Variants in SGCZ observed in about 807,000 individuals in gnomAD.
The protein encoded by SGCZ is sarcoglycan zeta.
A neutral mutation model predicts 41.3 loss-of-function variants in SGCZ; 40 were observed. The ratio of observed to expected loss-of-function variants is 0.97; its 90% confidence interval spans 0.75 to 1.26. The LOEUF (loss-of-function observed/expected upper bound fraction) is 1.26, where lower values mean the gene tolerates loss of function less well. SGCZ is among the 50% of genes most tolerant of loss of function. The pLI is 0.00. For missense variants in SGCZ, 552 were observed against 369.8 expected (o/e 1.49, Z -4.04); for synonymous variants, 206 against 137.5 (o/e 1.50, Z -3.49).
chr8:15,076,115 G>A (rs575104650), intron 1 of SGCZ, among the ~76,000 whole-genome samples: 1 of 152,232 alleles, frequency 6.6e-6, no homozygotes, highest in East Asian at 1.9e-4. Flanking sequence ...CATCTATGAA[G>A]ATGAAGAAAA....
At chr8:14,235,803 G>A (rs1806737139) in intron 4 of SGCZ, among the ~76,000 whole-genome samples, 1 of 152,126 alleles carries the variant, frequency 6.6e-6, no homozygotes, top group Non-Finnish European at 1.5e-5. Flanking sequence ...TCCAGCCTCA[G>A]CCTCCTGAGT....
intron 3 of SGCZ, among the ~76,000 whole-genome samples, chr8:14,247,939 T>G (rs1269103840): frequency 1.3e-5 from 2 of 152,120 alleles, no homozygotes; most frequent in African/African-American, 4.8e-5. Context: ...TATGTGAAAA[T>G]TTACTTTATA....
At chr8:14,790,503 G>C (rs1800915637) in intron 1 of SGCZ, among the ~76,000 whole-genome samples, 2 of 152,024 alleles carry the variant, frequency 1.3e-5, no homozygotes, top group Admixed American at 1.3e-4. Context: ...TTTTAGGTTG[G>C]AAAATAGTCC....
At chr8:14,711,128 C>A (rs1048458923) in intron 1 of SGCZ, among the ~76,000 whole-genome samples, 1 of 152,088 alleles carries the variant, frequency 6.6e-6, no homozygotes, top group Non-Finnish European at 1.5e-5. Flanking sequence ...CCTGACACAG[C>A]ACTAGAAATA....
At chr8:14,794,083 A>G (rs1441619928) in intron 1 of SGCZ, among the ~76,000 whole-genome samples, 1 of 152,144 alleles carries the variant, frequency 6.6e-6, no homozygotes, top group African/African-American at 2.4e-5. Flanking sequence ...TAAGAAGCCT[A>G]CAAAGATCAT....
chr8:14,277,282 T>C (rs1002657934), intron 3 of SGCZ, among the ~76,000 whole-genome samples: 3 of 152,188 alleles, frequency 2.0e-5, no homozygotes, highest in African/African-American at 7.2e-5. Flanking sequence ...ATGAAGAGAT[T>C]GCTAATTGGG....
intron 1 of SGCZ, among the ~76,000 whole-genome samples, chr8:14,827,012 G>T (rs1184602086): frequency 2.0e-5 from 3 of 151,988 alleles, no homozygotes; most frequent in Non-Finnish European, 2.9e-5. Flanking sequence ...CCTTGCCCAT[G>T]CCTATGTCCT....
At chr8:14,201,252 G>A (rs976300347) in intron 4 of SGCZ, among the ~76,000 whole-genome samples, 4 of 151,970 alleles carry the variant, frequency 2.6e-5, no homozygotes, top group South Asian at 2.1e-4. Context: ...ATCATACAAC[G>A]TTGCTATCCC....
chr8:14,453,219 T>TA (rs1303231656), intron 2 of SGCZ, among the ~76,000 whole-genome samples: 1 of 152,202 alleles, frequency 6.6e-6, no homozygotes, highest in African/African-American at 2.4e-5. Flanking sequence ...TTTGTAAACA[T>TA]AAAAATTTTC....
chr8:15,112,565 A>C (rs965084841), intron 1 of SGCZ, among the ~76,000 whole-genome samples: 13 of 152,212 alleles, frequency 8.5e-5, no homozygotes, highest in African/African-American at 3.1e-4. Context: ...GTGGAAAAGT[A>C]ATGTGTCCGT....
chr8:14,766,607 G>T (rs1485662057), intron 1 of SGCZ, among the ~76,000 whole-genome samples: 2 of 151,758 alleles, frequency 1.3e-5, no homozygotes, highest in African/African-American at 4.8e-5. Flanking sequence ...TGTCACCCAG[G>T]CTGGAGTGCA....
At chr8:14,443,508 A>T (rs1449693313) in intron 2 of SGCZ, among the ~76,000 whole-genome samples, 1 of 152,162 alleles carries the variant, frequency 6.6e-6, no homozygotes, top group Admixed American at 6.5e-5. Context: ...ATAACACCGC[A>T]TATCTACAAC....
intron 1 of SGCZ, among the ~76,000 whole-genome samples, chr8:15,235,644 G>A (rs558780625): frequency 1.3e-5 from 2 of 152,266 alleles, no homozygotes; most frequent in African/African-American, 4.8e-5. Context: ...AGTTTCCCCA[G>A]TGGGTTTGCT....
chr8:14,904,708 T>C (rs74675074), intron 1 of SGCZ, among the ~76,000 whole-genome samples: 4 of 152,008 alleles, frequency 2.6e-5, no homozygotes, highest in Non-Finnish European at 4.4e-5. Flanking sequence ...GAAAATATTC[T>C]CTATCTATAT....
At chr8:14,300,572 G>T (rs1477727572) in intron 3 of SGCZ, among the ~76,000 whole-genome samples, 1 of 151,866 alleles carries the variant, frequency 6.6e-6, no homozygotes, top group Non-Finnish European at 1.5e-5. Flanking sequence ...AGATTGTTAT[G>T]AAGATTAAAT....
At chr8:15,057,347 C>A (rs1804751859) in intron 1 of SGCZ, among the ~76,000 whole-genome samples, 1 of 152,140 alleles carries the variant, frequency 6.6e-6, no homozygotes, top group African/African-American at 2.4e-5. Context: ...CTATTAGACA[C>A]CATGACCTTA....
chr8:14,953,435 T>G (rs1350315448), intron 1 of SGCZ, among the ~76,000 whole-genome samples: 2 of 152,164 alleles, frequency 1.3e-5, no homozygotes, highest in African/African-American at 4.8e-5. Context: ...GGAATTACAA[T>G]TCGACATGAG....
intron 1 of SGCZ, among the ~76,000 whole-genome samples, chr8:15,164,825 G>A (rs975529797): frequency 1.3e-5 from 2 of 152,028 alleles, no homozygotes; most frequent in African/African-American, 4.8e-5. Context: ...TTTACATCTT[G>A]CGGGTATGGC....
intron 1 of SGCZ, among the ~76,000 whole-genome samples, chr8:14,604,625 C>A (rs531644496): frequency 5.4e-4 from 82 of 152,202 alleles, no homozygotes; most frequent in African/African-American, 1.9e-3. Context: ...CAAGATATGA[C>A]TGTCAAAGTA....
Sources: allele counts gnomAD v4.1 joint callset (sites outside exome capture counted in the v4.1 genomes callset), GRCh38; gene constraint gnomAD v4.1.1; transcripts MANE v1.5; gene names NCBI Gene and HGNC (gene_info 2026-07-23, HGNC 2026-07-21).